Variants in DLGAP2 observed in about 807,000 individuals in gnomAD.
DLGAP2 encodes disks large-associated protein 2.
A neutral mutation model predicts 100.3 loss-of-function variants in DLGAP2; 26 were observed. That is an observed-to-expected ratio of 0.26 (90% CI 0.19 to 0.36). DLGAP2 has a LOEUF of 0.36. Ranked by LOEUF, DLGAP2 falls within the 10% of genes least tolerant of loss-of-function variation. The probability of loss-of-function intolerance (pLI) is 1.00; values close to 1 mark genes in which losing one functional copy is unlikely to be tolerated. For missense variants in DLGAP2, 1,858 were observed against 1,453.2 expected (o/e 1.28, Z -4.53); for synonymous variants, 886 against 630.1 (o/e 1.41, Z -6.08).
chr8:1,275,802 AT>A (rs1177917713), intron 3 of DLGAP2, among the ~76,000 whole-genome samples: 19 of 109,030 alleles, frequency 1.7e-4, no homozygotes, highest in Non-Finnish European at 1.1e-4. Context: ...ATATAAATAA[AT>A]ATATAAGATA....
intron 2 of DLGAP2, among the ~76,000 whole-genome samples, chr8:1,196,917 TG>T (rs928780517): frequency 2.0e-5 from 3 of 152,100 alleles, no homozygotes; most frequent in Non-Finnish European, 4.4e-5. Flanking sequence ...GCTGTGATTA[TG>T]GGGGCTGAGA....
intron 4 of DLGAP2, among the ~76,000 whole-genome samples, chr8:1,507,841 G>A (rs1373043931): frequency 1.8e-5 from 2 of 112,348 alleles, no homozygotes; most frequent in African/African-American, 1.0e-4. Context: ...GCATCCTGTA[G>A]CCTCCACCAC....
intron 3 of DLGAP2, among the ~76,000 whole-genome samples, chr8:1,310,638 A>C (rs1484658378): frequency 1.3e-5 from 2 of 152,006 alleles, no homozygotes; most frequent in African/African-American, 4.8e-5. Context: ...AAATCATAAA[A>C]AGTTGGGTTT....
intron 2 of DLGAP2, among the ~76,000 whole-genome samples, chr8:916,665 T>A (rs75531380): frequency 0.071 from 10,794 of 152,000 alleles, 514 homozygotes; most frequent in Admixed American, 0.13. Flanking sequence ...ATAAAAAAAA[T>A]TAAAGAAAAT....
chr8:1,649,405 T>C (rs1309969106), intron 8 of DLGAP2, among the ~76,000 whole-genome samples: 1 of 152,224 alleles, frequency 6.6e-6, no homozygotes, highest in Non-Finnish European at 1.5e-5. Flanking sequence ...AGCAGTGGTG[T>C]TGGGGTAAAC....
chr8:1,127,777 G>A (rs1796201885), intron 2 of DLGAP2, among the ~76,000 whole-genome samples: 1 of 152,214 alleles, frequency 6.6e-6, no homozygotes, highest in African/African-American at 2.4e-5. Context: ...CGCCCGTTCT[G>A]TTGTAACTGG....
At chr8:1,548,424 A>G (rs1171138889) in intron 4 of DLGAP2, among the ~76,000 whole-genome samples, 1 of 129,954 alleles carries the variant, frequency 7.7e-6, no homozygotes, top group African/African-American at 3.0e-5. Context: ...GCGCCATTGC[A>G]CTCCAGCCTG....
chr8:857,150 G>A (rs1360583557), intron 1 of DLGAP2, among the ~76,000 whole-genome samples: 1 of 152,232 alleles, frequency 6.6e-6, no homozygotes, highest in Admixed American at 6.5e-5. Flanking sequence ...ATGGTGTGGA[G>A]CAATGGGACC....
At chr8:880,968 T>C (rs1474243893) in intron 1 of DLGAP2, among the ~76,000 whole-genome samples, 1 of 152,262 alleles carries the variant, frequency 6.6e-6, no homozygotes, top group Non-Finnish European at 1.5e-5. Flanking sequence ...GCCAACTTTC[T>C]ATCTCCAGGA....
intron 3 of DLGAP2, among the ~76,000 whole-genome samples, chr8:1,354,453 C>T (rs1801803068): frequency 6.6e-6 from 1 of 152,188 alleles, no homozygotes; most frequent in African/African-American, 2.4e-5. Context: ...GCACAGGTTA[C>T]AGTGAGCTGA....
intron 3 of DLGAP2, among the ~76,000 whole-genome samples, chr8:1,469,967 GC>G (rs1798732727): frequency 1.3e-5 from 2 of 151,254 alleles, no homozygotes; most frequent in South Asian, 4.2e-4. Context: ...ATCAGCCTGG[GC>G]AACATAGGGA....
At chr8:1,539,237 C>T (rs1054642361) in intron 4 of DLGAP2, among the ~76,000 whole-genome samples, 2 of 152,202 alleles carry the variant, frequency 1.3e-5, no homozygotes, top group African/African-American at 4.8e-5. Flanking sequence ...TGTCCACCAA[C>T]AGACTCTGAG....
chr8:1,495,317 A>C (rs1563182436), intron 3 of DLGAP2, among the ~76,000 whole-genome samples: 1 of 151,928 alleles, frequency 6.6e-6, no homozygotes, highest in Non-Finnish European at 1.5e-5. Flanking sequence ...GCTGTGGGGG[A>C]AGCATTGTCT....
chr8:1,412,116 G>A (rs1796748651), intron 3 of DLGAP2, among the ~76,000 whole-genome samples: 1 of 152,160 alleles, frequency 6.6e-6, no homozygotes, highest in Non-Finnish European at 1.5e-5. Flanking sequence ...GCATGGGCTG[G>A]GCTTGCTGCA....
chr8:1,422,869 C>T (rs563532001), intron 3 of DLGAP2, among the ~76,000 whole-genome samples: 1 of 152,112 alleles, frequency 6.6e-6, no homozygotes, highest in Non-Finnish European at 1.5e-5. Context: ...TGTGCTGTTC[C>T]AGAATCAAGC....
intron 3 of DLGAP2, among the ~76,000 whole-genome samples, chr8:1,306,397 G>A (rs1397341459): frequency 6.6e-6 from 1 of 152,064 alleles, no homozygotes; most frequent in Non-Finnish European, 1.5e-5. Flanking sequence ...GAGAGAGGCT[G>A]TACACTGAAA....
At chr8:931,957 C>T (rs151018787) in intron 2 of DLGAP2, among the ~76,000 whole-genome samples, 42 of 152,264 alleles carry the variant, frequency 2.8e-4, no homozygotes, top group East Asian at 1.4e-3. Context: ...TGGAAGGAAA[C>T]GGAGGAATGT....
At chr8:1,239,873 C>G (rs879084941) in intron 2 of DLGAP2, among the ~76,000 whole-genome samples, 1 of 91,810 alleles carries the variant, frequency 1.1e-5, no homozygotes. Context: ...TCACATGGCA[C>G]CGTGTCTAGT....
chr8:1,678,568 G>A lies in DLGAP2; in HGVS notation c.2643G>A (p.Arg881=), dbSNP rs867866639. The change falls in exon 12 of 15, where the codon AGG becomes AGA. Residue 881 remains arginine, a synonymous_variant. Transcript: ENST00000637795. ...FLKLLHAETK[R]MEGWCKEMER... ...AGCTGCTGCACGCAGAGACAAAGAG[G>A]ATGGAAGGCTGGTGCAAAGAGATGG... 26 of 1,584,788 alleles carry A rather than the reference G, an allele frequency of 1.6e-5. No homozygotes were observed. The highest frequency in any genetic ancestry group is 2.2e-5 in the Non-Finnish European group (26 of 1,165,940).
Sources: gnomAD v4.1 joint callset for allele counts (sites outside exome capture counted in the v4.1 genomes callset) on GRCh38, gnomAD v4.1.1 for gene constraint, MANE v1.5 for transcripts, NCBI Gene and HGNC (gene_info 2026-07-23, HGNC 2026-07-21) for gene names.